The following FHIT variants were observed in gnomAD, a reference collection of about 807,000 sequenced individuals.
The protein encoded by FHIT is fragile histidine triad diadenosine triphosphatase, also known as bis(5'-adenosyl)-triphosphatase.
A neutral mutation model predicts 17.9 loss-of-function variants in FHIT; 19 were observed. That is an observed-to-expected ratio of 1.06 (90% CI 0.74 to 1.56). The LOEUF (loss-of-function observed/expected upper bound fraction) is 1.56. Ranked by LOEUF, FHIT falls within the 40% of genes most tolerant of loss-of-function variation. The pLI is 0.00. For missense variants in FHIT, 248 were observed against 189.2 expected, an observed-to-expected ratio of 1.31 and a Z score of -1.82; for synonymous variants, 81 against 69.7, an observed-to-expected ratio of 1.16 and a Z score of -0.81.
chr3:60,956,231 C>A (rs1242007018), intron 3 of FHIT, among the ~76,000 whole-genome samples: 1 of 152,052 alleles, frequency 6.6e-6, no homozygotes, highest in Non-Finnish European at 1.5e-5. Flanking sequence ...AGTTAAGATC[C>A]ATTTAGTTAT....
chr3:60,431,147 G>C (rs1702881771), intron 5 of FHIT, among the ~76,000 whole-genome samples: 1 of 151,576 alleles, frequency 6.6e-6, no homozygotes. Context: ...GGAGGCAGAG[G>C]CTGCAGTGAG....
chr3:60,316,604 C>A (rs1316515735), intron 5 of FHIT, among the ~76,000 whole-genome samples: 1 of 152,142 alleles, frequency 6.6e-6, no homozygotes, highest in African/African-American at 2.4e-5. Context: ...TGCATTACAG[C>A]CACATCTAAA....
At chr3:60,617,602 A>G (rs1338869780) in intron 4 of FHIT, 3 of 152,774 alleles carry the variant, frequency 2.0e-5, no homozygotes, top group Non-Finnish European at 4.4e-5. Context: ...TGCTATTTTA[A>G]TATGTGGTCC....
At chr3:59,902,041 A>G (rs1035521153) in intron 8 of FHIT, among the ~76,000 whole-genome samples, 2 of 152,210 alleles carry the variant, frequency 1.3e-5, no homozygotes, top group Non-Finnish European at 2.9e-5. Context: ...TTTGGAAACC[A>G]TATATCAGAC....
intron 5 of FHIT, among the ~76,000 whole-genome samples, chr3:60,297,217 CTG>C (rs142509781): frequency 0.012 from 1,815 of 152,142 alleles, 42 homozygotes; most frequent in African/African-American, 0.042. Flanking sequence ...TATTAAAACT[CTG>C]TATCAACTTG....
chr3:60,340,610 T>C (rs1710468223), intron 5 of FHIT, among the ~76,000 whole-genome samples: 1 of 152,214 alleles, frequency 6.6e-6, no homozygotes, highest in Non-Finnish European at 1.5e-5. Flanking sequence ...TGTCAGAATA[T>C]GCAAGACGAT....
At chr3:59,852,141 C>A (rs1293077497) in intron 8 of FHIT, among the ~76,000 whole-genome samples, 1 of 152,152 alleles carries the variant, frequency 6.6e-6, no homozygotes, top group Non-Finnish European at 1.5e-5. Context: ...TCCACCCAGC[C>A]ACATTCCATC....
At chr3:60,305,948 AC>A (rs1478471478) in intron 5 of FHIT, among the ~76,000 whole-genome samples, 2 of 152,146 alleles carry the variant, frequency 1.3e-5, no homozygotes, top group Admixed American at 6.6e-5. Flanking sequence ...CTTACATTCT[AC>A]CTTAATTCTT....
At chr3:60,602,505 TC>T (rs1486448512) in intron 4 of FHIT, among the ~76,000 whole-genome samples, 14 of 139,014 alleles carry the variant, frequency 1.0e-4, no homozygotes, top group Admixed American at 1.0e-3. Context: ...CATGAAACCT[TC>T]TTGGAGAGAA....
chr3:60,632,801 T>C (rs568841639), intron 4 of FHIT, among the ~76,000 whole-genome samples: 20 of 152,298 alleles, frequency 1.3e-4, no homozygotes, highest in Non-Finnish European at 2.6e-4. Flanking sequence ...TAAAGTTCTC[T>C]TTTGAGAATG....
At chr3:61,037,005 G>T (rs140831485) in intron 3 of FHIT, among the ~76,000 whole-genome samples, 1 of 149,766 alleles carries the variant, frequency 6.7e-6, no homozygotes, top group Non-Finnish European at 1.5e-5. Context: ...TCCGCCTCCC[G>T]AGTTCACGCC....
At chr3:60,546,211 A>G (rs887946704) in intron 4 of FHIT, among the ~76,000 whole-genome samples, 3 of 152,038 alleles carry the variant, frequency 2.0e-5, no homozygotes, top group African/African-American at 4.8e-5. Context: ...CTTATTTCAG[A>G]TATTTTATCT....
intron 4 of FHIT, among the ~76,000 whole-genome samples, chr3:60,646,917 C>T (rs1241869019): frequency 1.3e-5 from 2 of 152,118 alleles, no homozygotes; most frequent in African/African-American, 2.4e-5. Context: ...GCATATAGAG[C>T]GAAACTGCAA....
At chr3:60,096,092 A>T (rs1280287165) in intron 5 of FHIT, among the ~76,000 whole-genome samples, 1 of 152,034 alleles carries the variant, frequency 6.6e-6, no homozygotes, top group Non-Finnish European at 1.5e-5. Flanking sequence ...CCCAGGCCTC[A>T]CTCGGCCATG....
chr3:60,216,581 C>G (rs1703708810), intron 5 of FHIT, among the ~76,000 whole-genome samples: 1 of 152,034 alleles, frequency 6.6e-6, no homozygotes, highest in Non-Finnish European at 1.5e-5. Flanking sequence ...TACTGTCTAC[C>G]TAATACTGAG....
At chr3:61,234,023 A>G (rs2040168921) in intron 1 of FHIT, among the ~76,000 whole-genome samples, 1 of 152,250 alleles carries the variant, frequency 6.6e-6, no homozygotes, top group African/African-American at 2.4e-5. Flanking sequence ...CCTATTAAAT[A>G]ATACATGACA....
intron 5 of FHIT, among the ~76,000 whole-genome samples, chr3:60,362,466 CT>C (rs1286876449): frequency 1.3e-5 from 2 of 152,132 alleles, no homozygotes; most frequent in Non-Finnish European, 2.9e-5. Flanking sequence ...TCTCACCACA[CT>C]TTTTGTTTCT....
At chr3:60,360,317 A>G (rs147212514) in intron 5 of FHIT, among the ~76,000 whole-genome samples, 84 of 152,228 alleles carry the variant, frequency 5.5e-4, no homozygotes, top group African/African-American at 1.9e-3. Context: ...TGGCACTATA[A>G]AAGACAAAGG....
chr3:60,073,857 A>G (rs1038120601), intron 5 of FHIT, among the ~76,000 whole-genome samples: 31 of 152,248 alleles, frequency 2.0e-4, no homozygotes, highest in East Asian at 1.2e-3. Context: ...AAACACTGCT[A>G]CTTCCTAACA....
Sources: allele counts gnomAD v4.1 joint callset (sites outside exome capture counted in the v4.1 genomes callset), GRCh38; gene constraint gnomAD v4.1.1; transcripts MANE v1.5; gene names NCBI Gene and HGNC (gene_info 2026-07-23, HGNC 2026-07-21).